Variants in KDM4C observed in about 807,000 individuals in gnomAD.
KDM4C encodes the protein lysine-specific demethylase 4C.
Under a neutral mutation model 129.3 loss-of-function variants are expected in KDM4C, and 81 were observed. That is an observed-to-expected ratio of 0.63 (90% CI 0.52 to 0.75). KDM4C has a LOEUF of 0.75. Among genes scored for constraint, KDM4C ranks in the 30% least tolerant of loss-of-function variants. The pLI is 0.00. For synonymous variants in KDM4C, 573 were observed against 456.1 expected (o/e 1.26, Z -3.26); for missense variants, 1,457 against 1,304.0 (o/e 1.12, Z -1.81).
chr9:6,908,556 A>G (rs1048746278), intron 8 of KDM4C, among the ~76,000 whole-genome samples: 7 of 152,058 alleles, frequency 4.6e-5, no homozygotes, highest in African/African-American at 1.7e-4. Flanking sequence ...CCATTTAGCC[A>G]CGGAGAATCA....
At chr9:6,978,432 G>T (rs747374192) in intron 8 of KDM4C, among the ~76,000 whole-genome samples, 1 of 152,116 alleles carries the variant, frequency 6.6e-6, no homozygotes, top group African/African-American at 2.4e-5. Flanking sequence ...TAGTATAGGT[G>T]GGTTTTCTGG....
intron 17 of KDM4C, among the ~76,000 whole-genome samples, chr9:7,053,737 C>A (rs1379504708): frequency 6.6e-6 from 1 of 152,140 alleles, no homozygotes; most frequent in Non-Finnish European, 1.5e-5. Context: ...CTTTCGTTTT[C>A]TTTAACAATA....
At chr9:7,069,245 A>G (rs1832874589) in intron 17 of KDM4C, among the ~76,000 whole-genome samples, 1 of 152,240 alleles carries the variant, frequency 6.6e-6, no homozygotes, top group Admixed American at 6.5e-5. Flanking sequence ...ATAATGATGA[A>G]TATGTAGTCT....
intron 4 of KDM4C, among the ~76,000 whole-genome samples, chr9:6,828,425 G>T: frequency 6.6e-6 from 1 of 152,038 alleles, no homozygotes; most frequent in East Asian, 1.9e-4. Flanking sequence ...GGGATTACAG[G>T]TGTGAGCCAC....
intron 2 of KDM4C, among the ~76,000 whole-genome samples, chr9:6,799,642 CTTTTTTTTT>C (rs1052629844): frequency 5.8e-5 from 7 of 121,510 alleles, no homozygotes; most frequent in Admixed American, 3.3e-4. Flanking sequence ...TTTTTCTTTT[CTTTTTTTTT>C]TTTTTTTTTA....
chr9:6,983,524 C>A (rs968883410), intron 9 of KDM4C, among the ~76,000 whole-genome samples: 1 of 150,244 alleles, frequency 6.7e-6, no homozygotes, highest in Non-Finnish European at 1.5e-5. Context: ...TCACTTGAGG[C>A]CAGGAGTTCT....
chr9:6,942,058 A>G lies in KDM4C; in HGVS notation c.922-38867A>G, dbSNP rs536811881. ...AAGGGCTCTTTTAAAAAGGGTTCCA[A>G]TATAAATTGGTAGAGCAGTTATTGG... is the stretch of plus-strand genomic sequence containing the variant. On this transcript the variant is annotated intron_variant, in intron 8 of 21. Transcript: ENST00000381309. Among the ~76,000 whole-genome samples, 3 of 152,352 alleles carry G rather than the reference A, an allele frequency of 2.0e-5. No homozygotes were observed. The South Asian group carries it at 6.2e-4, about 32-fold the overall frequency.
chr9:7,173,666 C>T (rs960642930), intron 21 of KDM4C, among the ~76,000 whole-genome samples: 5 of 152,146 alleles, frequency 3.3e-5, no homozygotes, highest in Non-Finnish European at 7.4e-5. Context: ...GGGGAAATGT[C>T]TACAGTGCCT....
chr9:6,851,032 G>A (rs942295158), intron 5 of KDM4C, among the ~76,000 whole-genome samples: 2 of 152,230 alleles, frequency 1.3e-5, no homozygotes, highest in Non-Finnish European at 1.5e-5. Context: ...TGAAATTACA[G>A]GCGTGAGCCA....
At chr9:7,066,301 CT>C (rs1832417674) in intron 17 of KDM4C, among the ~76,000 whole-genome samples, 1 of 152,116 alleles carries the variant, frequency 6.6e-6, no homozygotes, top group African/African-American at 2.4e-5. Context: ...TGGTATCCCC[CT>C]CTCCACCCCG....
At chr9:7,009,146 C>G (rs1822220453) in intron 12 of KDM4C, among the ~76,000 whole-genome samples, 1 of 152,162 alleles carries the variant, frequency 6.6e-6, no homozygotes, top group Non-Finnish European at 1.5e-5. Context: ...TAAATGAAAT[C>G]AGGAAGACAA....
chr9:7,081,179 A>T (rs1834483732), intron 17 of KDM4C, among the ~76,000 whole-genome samples: 1 of 152,228 alleles, frequency 6.6e-6, no homozygotes, highest in Non-Finnish European at 1.5e-5. Flanking sequence ...TAATGTTGTC[A>T]GTAAACCTGA....
At chr9:6,960,331 G>A (rs1023755144) in intron 8 of KDM4C, among the ~76,000 whole-genome samples, 2 of 145,460 alleles carry the variant, frequency 1.4e-5, no homozygotes, top group East Asian at 2.0e-4. Flanking sequence ...CCAGGCTGAA[G>A]TACAGTGGCA....
intron 1 of KDM4C, among the ~76,000 whole-genome samples, chr9:6,721,746 G>A (rs773082137): frequency 5.3e-5 from 8 of 151,834 alleles, no homozygotes; most frequent in Admixed American, 3.3e-4. Context: ...CTGCCGCCAC[G>A]CCCGGCTAAT....
intron 1 of KDM4C, among the ~76,000 whole-genome samples, chr9:6,769,176 G>C (rs114239822): frequency 2.0e-5 from 3 of 151,592 alleles, no homozygotes; most frequent in Non-Finnish European, 4.4e-5. Flanking sequence ...CTCATTTTAG[G>C]CTTCTTAAGA....
At chr9:6,729,204 CAAAAAA>C (rs1186478804) in intron 1 of KDM4C, among the ~76,000 whole-genome samples, 6 of 32,108 alleles carry the variant, frequency 1.9e-4, no homozygotes, top group African/African-American at 1.0e-3. Flanking sequence ...GCTCCGTCTC[CAAAAAA>C]AAAAAAAAAA....
intron 1 of KDM4C, among the ~76,000 whole-genome samples, chr9:6,759,534 A>G (rs1218191629): frequency 1.3e-5 from 2 of 152,110 alleles, no homozygotes; most frequent in Admixed American, 6.6e-5. Flanking sequence ...TTTTCTCCCA[A>G]TTTCAGTGTT....
intron 12 of KDM4C, among the ~76,000 whole-genome samples, chr9:6,997,570 G>A (rs977253968): frequency 6.6e-6 from 1 of 152,198 alleles, no homozygotes; most frequent in East Asian, 1.9e-4. Context: ...TGCCTCTGGG[G>A]CATCTGGCAC....
chr9:7,004,878 C>T (rs532096609), intron 12 of KDM4C, among the ~76,000 whole-genome samples: 22 of 152,250 alleles, frequency 1.4e-4, no homozygotes, highest in East Asian at 1.2e-3. Flanking sequence ...ATGGCTGCTG[C>T]GGGGTTCTGT....
Sources: gnomAD v4.1 joint callset for allele counts (sites outside exome capture counted in the v4.1 genomes callset) on GRCh38, gnomAD v4.1.1 for gene constraint, MANE v1.5 for transcripts, NCBI Gene and HGNC (gene_info 2026-07-23, HGNC 2026-07-21) for gene names.